KMT2C: variants seen among roughly 807,000 people sequenced by gnomAD.
KMT2C encodes lysine methyltransferase 2C.
In KMT2C, 88 loss-of-function variants were observed where a neutral mutation model predicts 507.9. That is an observed-to-expected ratio of 0.17 (90% CI 0.15 to 0.21). The LOEUF is 0.21. KMT2C is among the 10% of genes least tolerant of loss of function. KMT2C has a pLI of 1.00. For missense variants in KMT2C, 4,954 were observed against 5,957.8 expected (o/e 0.83, Z 5.55); for synonymous variants, 2,049 against 2,080.8 (o/e 0.98, Z 0.42).
rs6955778 is a variant in KMT2C, at chr7:152,300,237, T to A, written c.849+9729A>T. Among the ~76,000 whole-genome samples the A allele has an allele frequency of 9.4e-3, 1,436 of 152,332 alleles. 26 individuals carry two copies. Among genetic ancestry groups the A allele is most frequent in the African/African-American group, 0.033 (1,381 of 41,576 alleles). ...AAGCAGATCTGAGACTATTACATTATCCTGTGAAGGAGGGTCTGTCTGTTT... is the reference window on the plus strand; with the variant it reads ...AAGCAGATCTGAGACTATTACATTAACCTGTGAAGGAGGGTCTGTCTGTTT... On this transcript the variant is annotated intron_variant, in intron 6 of 58. Transcript: ENST00000262189.
chr7:152,430,081 G>C (rs370505010), intron 1 of KMT2C, among the ~76,000 whole-genome samples: 67 of 151,270 alleles, frequency 4.4e-4, no homozygotes, highest in African/African-American at 1.6e-3. Flanking sequence ...GGGAGGCTGA[G>C]TCAGGCGAAT....
At chr7:152,156,484 G>A in intron 44 of KMT2C, 138 bp from the exon 45 acceptor site, 2 of 1,078,178 alleles carry the variant, frequency 1.9e-6, no homozygotes, top group Non-Finnish European at 1.3e-6. Context: ...TGCACACCAA[G>A]AAAACAATAC....
At chr7:152,380,425 G>C (rs1189721715) in intron 1 of KMT2C, among the ~76,000 whole-genome samples, 1 of 152,170 alleles carries the variant, frequency 6.6e-6, no homozygotes, top group African/African-American at 2.4e-5. Flanking sequence ...AAAATTAGCT[G>C]AGCATGGGGG....
rs2093460945 is a variant in KMT2C at position 152,182,323 on chromosome 7, A to C, written c.5537T>G (p.Val1846Gly). The C allele has an allele frequency of 6.2e-7, 1 of 1,614,128 alleles. No homozygotes were observed. Among genetic ancestry groups the C allele is most frequent in the Non-Finnish European group, 8.5e-7 (1 of 1,180,014 alleles). Residue 1846 changes from valine to glycine, a missense_variant, in exon 36 of 59, where the codon GTG becomes GGG. Val to Gly is a moderately radical substitution (Grantham distance 109). Around this residue, in one of 29 missense-constraint regions of KMT2C, gnomAD observed 1,689 missense variants for 1,654.3 expected, o/e 1.02. Coordinates refer to ENST00000262189, the MANE Select transcript of KMT2C (RefSeq NM_170606.3). ...AGGTGGAGCTTGTGGCTTTACAAAC[A>C]CATCATCTGAAGATGTAGACGTAGG... ...STPTSTSSDD[V>G]FVKPQAPPPP... is the part of the protein sequence containing the mutation.
chr7:152,430,044 G>T (rs2097851813), intron 1 of KMT2C, among the ~76,000 whole-genome samples: 1 of 137,108 alleles, frequency 7.3e-6, no homozygotes. Context: ...TGGGTGTGGT[G>T]GCATGCGCCT....
At chr7:152,365,371 T>A (rs2097233745) in intron 1 of KMT2C, among the ~76,000 whole-genome samples, 1 of 152,228 alleles carries the variant, frequency 6.6e-6, no homozygotes, top group South Asian at 2.1e-4. Context: ...CAGCCAGGAA[T>A]GGTAGCAGGC....
In KMT2C at chr7:152,178,015, T is replaced by TTAAAAAAAAA. The variant is rs1491309235; in HGVS notation, c.7443-6_7443-5insTTTTTTTTTA. The stretch of plus-strand genomic sequence containing the variant: ...CTACCTCCTGGAAATCCAAATCTTT[T>TTAAAAAAAAA]AAAAAAAAAAAAAAAAAAAAAAAAA... On this transcript the variant is annotated splice_polypyrimidine_tract_variant and splice_region_variant and intron_variant, in intron 37 of 58. Transcript: ENST00000262189. The TTAAAAAAAAA allele has an allele frequency of 7.5e-4, 606 of 810,386 alleles. 8 individuals carry two copies. The highest frequency in any genetic ancestry group is 2.6e-3 in the East Asian group (37 of 14,466). 50.2% of individuals were successfully genotyped at this position (810,386 alleles called of 1,614,324 possible). A position where few individuals can be genotyped will look rare whatever the true frequency, so the allele number is the denominator to read the frequency against.
intron 1 of KMT2C, 73 bp from the exon 2 acceptor site, chr7:152,358,748 C>T: frequency 1.1e-6 from 1 of 920,486 alleles, no homozygotes; most frequent in East Asian, 2.4e-5. Flanking sequence ...TTATATTCAA[C>T]ATAAGGCACA....
chr7:152,306,685 C>T (rs1389404413), intron 6 of KMT2C, among the ~76,000 whole-genome samples: 1 of 152,140 alleles, frequency 6.6e-6, no homozygotes, highest in Non-Finnish European at 1.5e-5. Context: ...AAATTTCCCT[C>T]CAAAAGATGT....
chr7:152,147,725 AAAAG>A (rs1268915958), intron 52 of KMT2C, among the ~76,000 whole-genome samples: 31 of 134,262 alleles, frequency 2.3e-4, no homozygotes, highest in African/African-American at 1.0e-3. Flanking sequence ...AAAAAAAAAA[AAAAG>A]AAAAAGAAAA....
intron 14 of KMT2C, among the ~76,000 whole-genome samples, chr7:152,242,742 G>C (rs546253599): frequency 1.5e-4 from 23 of 152,274 alleles, no homozygotes; most frequent in Non-Finnish European, 2.8e-4. Context: ...TCTATTAAAA[G>C]TCAAATTCTA....
At chr7:152,155,886 A>T in intron 46 of KMT2C, 24 bp downstream of exon 46, 1 of 1,573,214 alleles carries the variant, frequency 6.4e-7, no homozygotes, top group Non-Finnish European at 8.6e-7. Flanking sequence ...ACTAAGAATT[A>T]TTTGAGAAAA....
At chr7:152,233,364 C>T (rs1237208647) in intron 16 of KMT2C, among the ~76,000 whole-genome samples, 2 of 152,060 alleles carry the variant, frequency 1.3e-5, no homozygotes, top group Non-Finnish European at 2.9e-5. Context: ...ATTTCATTTT[C>T]CTAGACCACA....
At chr7:152,162,078 CAAAAG>C (rs2092484087) in intron 43 of KMT2C, 34 bp downstream of exon 43, 2 of 1,495,266 alleles carry the variant, frequency 1.3e-6, no homozygotes, top group Non-Finnish European at 1.8e-6. Context: ...TAATTTAAAA[CAAAAG>C]AAAAAAGTTG....
chr7:152,338,768 C>CAG (rs1349710006), intron 2 of KMT2C, among the ~76,000 whole-genome samples: 1 of 152,164 alleles, frequency 6.6e-6, no homozygotes, highest in Non-Finnish European at 1.5e-5. Context: ...CACCGCCTGG[C>CAG]AGAGCATCAA....
In KMT2C at chr7:152,295,407, C is replaced by T. The variant is rs56083134; in HGVS notation, c.849+14559G>A. Among the ~76,000 whole-genome samples, 1,513 of 152,280 alleles carry T rather than the reference C, an allele frequency of 9.9e-3. 37 individuals are homozygous for T. Among genetic ancestry groups the T allele is most frequent in the African/African-American group, 0.035 (1,452 of 41,550 alleles). ...CCTACTTATTCTCCAGTCATTCTTA[C>T]GTATGTGCCATTTTTCCAAAATCCA... On this transcript the variant is annotated intron_variant, in intron 6 of 58. Coordinates refer to ENST00000262189, the MANE Select transcript of KMT2C (RefSeq NM_170606.3).
intron 23 of KMT2C, among the ~76,000 whole-genome samples, chr7:152,214,444 G>A (rs1161843830): frequency 2.0e-5 from 3 of 152,130 alleles, no homozygotes; most frequent in South Asian, 2.1e-4. Context: ...GAACTGAGAC[G>A]TTAAGCTAAA....
At chr7:152,422,145 G>A (rs183808018) in intron 1 of KMT2C, among the ~76,000 whole-genome samples, 68 of 152,044 alleles carry the variant, frequency 4.5e-4, no homozygotes, top group African/African-American at 1.6e-3. Context: ...CCATGCTGAG[G>A]TCAAAAACTG....
At chr7:152,187,630 C>A in intron 32 of KMT2C, 85 bp downstream of exon 32, 1 of 1,492,034 alleles carries the variant, frequency 6.7e-7, no homozygotes, top group Non-Finnish European at 9.1e-7. Flanking sequence ...TAATATCATA[C>A]ACAATCATTT....
Sources: allele counts gnomAD v4.1 joint callset (sites outside exome capture counted in the v4.1 genomes callset), GRCh38; gene constraint gnomAD v4.1.1; regional missense constraint gnomAD v4.1.1; transcripts MANE v1.5; gene names NCBI Gene and HGNC (gene_info 2026-07-23, HGNC 2026-07-21).